The following CRTAC1 variants were observed in gnomAD, a reference collection of about 807,000 sequenced individuals.
The protein encoded by CRTAC1 is cartilage acidic protein 1.
CRTAC1 carries 37 observed loss-of-function variants against 67.8 expected under a neutral mutation model. That is an observed-to-expected ratio of 0.55 (90% CI 0.42 to 0.72). The LOEUF (loss-of-function observed/expected upper bound fraction) is 0.72. Ranked by LOEUF, CRTAC1 falls within the 30% of genes least tolerant of loss-of-function variation. The pLI is 0.00. For missense variants in CRTAC1, 780 were observed against 931.6 expected (o/e 0.84, Z 2.12); for synonymous variants, 348 against 371.0 (o/e 0.94, Z 0.71).
intron 2 of CRTAC1, among the ~76,000 whole-genome samples, chr10:97,960,172 G>T (rs2051504081): frequency 6.6e-6 from 1 of 152,232 alleles, no homozygotes. Flanking sequence ...TTGCAAGCAG[G>T]TCTTTCTGGG....
intron 1 of CRTAC1, among the ~76,000 whole-genome samples, chr10:98,028,867 GGTGGA>G (rs1388435033): frequency 6.6e-6 from 1 of 152,028 alleles, no homozygotes. Context: ...GATGGGATAA[GGTGGA>G]GGATTCAGGC....
chr10:97,992,686 A>G (rs1199303352), intron 2 of CRTAC1, among the ~76,000 whole-genome samples: 2 of 152,264 alleles, frequency 1.3e-5, no homozygotes, highest in African/African-American at 4.8e-5. Flanking sequence ...GAAATAAACC[A>G]GGCACAGAAA....
At position 98,030,316 on chromosome 10, in the gene CRTAC1, G is replaced by A. The variant is rs1446096373; in HGVS notation, c.24+133C>T. 3 of 529,778 alleles carry A rather than the reference G, an allele frequency of 5.7e-6. No individual in the cohort carries two copies. The highest frequency in any genetic ancestry group is 9.6e-5 in the South Asian group (1 of 10,442). 32.8% of individuals were successfully genotyped at this position (529,778 alleles called of 1,614,324 possible). On this transcript the variant is annotated intron_variant, in intron 1 of 14. Coordinates refer to ENST00000370597, the MANE Select transcript of CRTAC1 (RefSeq NM_018058.7). The surrounding 1 kb of genome is among the most constrained non-coding windows in gnomAD (Gnocchi z 4.2). ...CCAGCAAGTTAGGAGCGAAGCCGCC[G>A]CCTTCGCGATCCCAGTCTTCCCGGG...
intron 2 of CRTAC1, among the ~76,000 whole-genome samples, chr10:97,951,417 T>A (rs2051353323): frequency 6.6e-6 from 1 of 152,192 alleles, no homozygotes; most frequent in African/African-American, 2.4e-5. Flanking sequence ...GCTTAAAAAA[T>A]TTATGTATAA....
chr10:97,877,357 G>T (rs2050159842), intron 14 of CRTAC1, among the ~76,000 whole-genome samples: 1 of 152,204 alleles, frequency 6.6e-6, no homozygotes, highest in Non-Finnish European at 1.5e-5. Context: ...CATACCTAGA[G>T]CGTAGCTCAG....
At chr10:97,885,588 G>C (rs533772562) in intron 11 of CRTAC1, among the ~76,000 whole-genome samples, 6 of 152,208 alleles carry the variant, frequency 3.9e-5, no homozygotes, top group Non-Finnish European at 5.9e-5. Flanking sequence ...AGCTCCCCGC[G>C]TAAGGAAACA....
Position 97,865,245 on chromosome 10 carries a change from T to TA in CRTAC1, c.*302dup. The TA allele has an allele frequency of 6.7e-6, 2 of 298,260 alleles. No individual in the cohort carries two copies. Among genetic ancestry groups the TA allele is most frequent in the Non-Finnish European group, 1.2e-5 (2 of 161,410 alleles). 18.5% of individuals were successfully genotyped at this position (298,260 alleles called of 1,614,324 possible). A position where few individuals can be genotyped will look rare whatever the true frequency, so the allele number is the denominator to read the frequency against. ...TGAACTCAGGACACTAAAGTCCTCA[T>TA]ACTTCCTGTGCAGTGACACCACCTC... On this transcript the variant is annotated 3_prime_UTR_variant, in exon 15 of 15. Coordinates refer to ENST00000370597, the MANE Select transcript of CRTAC1 (RefSeq NM_018058.7).
chr10:98,013,890 C>T (rs1842952010), intron 1 of CRTAC1, among the ~76,000 whole-genome samples: 1 of 152,170 alleles, frequency 6.6e-6, no homozygotes, highest in Admixed American at 6.5e-5. Flanking sequence ...CTGAACTCAC[C>T]CAGCATGAGT....
rs113186188 is a variant in CRTAC1 at position 97,999,758 on chromosome 10, T to C, written c.224+11380A>G. ...CTGCCCATGGCTGTCCATGGACCAA[T>C]TGGCGTGCACTTCCTCCTCTCTGAG... On this transcript the variant is annotated intron_variant, in intron 2 of 14. Coordinates refer to ENST00000370597, the MANE Select transcript of CRTAC1 (RefSeq NM_018058.7). 3.9e-3 allele frequency among the ~76,000 whole-genome samples: 593 copies of C among 152,276 alleles called. 11 individuals are homozygous for C. Among genetic ancestry groups the C allele is most frequent in the African/African-American group, 0.013 (561 of 41,562 alleles).
chr10:97,888,547 A>T (rs1323452442), intron 11 of CRTAC1, among the ~76,000 whole-genome samples: 3 of 152,180 alleles, frequency 2.0e-5, no homozygotes, highest in Admixed American at 6.5e-5. Flanking sequence ...ATTTATCCCC[A>T]TTCTCCAGAT....
In CRTAC1 at chr10:97,865,387, C is replaced by G. The variant is rs2050007575; in HGVS notation, c.*161G>C. On this transcript the variant is annotated 3_prime_UTR_variant, in exon 15 of 15. Coordinates refer to ENST00000370597, the MANE Select transcript of CRTAC1 (RefSeq NM_018058.7). ...CTATGTGCCCAGCACAGGGCCTGGC[C>G]TTACGAGTCTCCCTAATTGTTAGCT... The G allele has an allele frequency of 5.8e-6, 5 of 859,794 alleles. No individual in the cohort carries two copies. The Admixed American group carries it at 1.5e-4, about 26-fold the overall frequency. The allele number at this position is 859,794 out of a possible 1,614,324, so 53.3% of individuals were successfully genotyped here. A position where few individuals can be genotyped will look rare whatever the true frequency, so the allele number is the denominator to read the frequency against.
intron 5 of CRTAC1, among the ~76,000 whole-genome samples, chr10:97,910,206 G>C (rs1471783303): frequency 6.6e-6 from 1 of 152,244 alleles, no homozygotes. Flanking sequence ...TTTAAGTGTT[G>C]TCACCCCCAA....
chr10:97,893,068 C>G (rs1046800315), intron 11 of CRTAC1, among the ~76,000 whole-genome samples: 2 of 152,196 alleles, frequency 1.3e-5, no homozygotes, highest in African/African-American at 4.8e-5. Flanking sequence ...CTTAATTGTT[C>G]TGATCTTCAG....
intron 2 of CRTAC1, among the ~76,000 whole-genome samples, chr10:98,005,726 C>A (rs187403889): frequency 1.3e-5 from 2 of 151,542 alleles, no homozygotes; most frequent in African/African-American, 4.8e-5. Flanking sequence ...TGCATAAATG[C>A]TGCTTTGGCT....
chr10:97,954,827 T>A (rs1262482181), intron 2 of CRTAC1, among the ~76,000 whole-genome samples: 2 of 152,168 alleles, frequency 1.3e-5, no homozygotes, highest in Non-Finnish European at 1.5e-5. Context: ...TTCCCTGCCT[T>A]TTCTACCTTC....
At chr10:97,947,017 C>A (rs1208170656) in intron 2 of CRTAC1, among the ~76,000 whole-genome samples, 1 of 152,238 alleles carries the variant, frequency 6.6e-6, no homozygotes, top group Non-Finnish European at 1.5e-5. Context: ...TTCAAACTTT[C>A]TTTCCTTCAT....
At chr10:97,902,381 G>T (rs535250572) in intron 7 of CRTAC1, among the ~76,000 whole-genome samples, 1 of 152,178 alleles carries the variant, frequency 6.6e-6, no homozygotes, top group South Asian at 2.1e-4. Context: ...ACTACCTTAC[G>T]TTGTTTCTTG....
chr10:97,955,509 C>T (rs2051426229), intron 2 of CRTAC1, among the ~76,000 whole-genome samples: 1 of 152,238 alleles, frequency 6.6e-6, no homozygotes, highest in African/African-American at 2.4e-5. Flanking sequence ...ACCCAAACCT[C>T]TTCTCTATCC....
At chr10:98,008,686 C>G (rs1169357376) in intron 2 of CRTAC1, among the ~76,000 whole-genome samples, 1 of 152,110 alleles carries the variant, frequency 6.6e-6, no homozygotes, top group Admixed American at 6.5e-5. Context: ...GGTGAAGACA[C>G]TTTCTGTTCA....
Sources: allele counts gnomAD v4.1 joint callset (sites outside exome capture counted in the v4.1 genomes callset), GRCh38; gene constraint gnomAD v4.1.1; non-coding constraint Gnocchi (gnomAD v3.1); transcripts MANE v1.5; gene names NCBI Gene and HGNC (gene_info 2026-07-23, HGNC 2026-07-21).